The following GABRG1 variants were observed in gnomAD, a reference collection of about 807,000 sequenced individuals.
The protein encoded by GABRG1 is gamma-aminobutyric acid receptor subunit gamma-1.
Under a neutral mutation model 49.8 loss-of-function variants are expected in GABRG1, and 49 were observed. The observed-to-expected ratio is 0.98, with a 90% CI of 0.78 to 1.25. GABRG1 has a LOEUF of 1.25. GABRG1 is among the 50% of genes most tolerant of loss of function. The probability of loss-of-function intolerance (pLI) is 0.00; values close to 1 mark genes in which losing one functional copy is unlikely to be tolerated. For synonymous variants in GABRG1, 232 were observed against 185.1 expected (o/e 1.25, Z -2.06); for missense variants, 552 against 552.3 (o/e 1.00, Z 0.01).
chr4:46,065,922 C>T (rs1718902255), intron 3 of GABRG1, among the ~76,000 whole-genome samples: 1 of 152,048 alleles, frequency 6.6e-6, no homozygotes, highest in African/African-American at 2.4e-5. Context: ...GGGGGTTTCA[C>T]CGTGTTAGCC....
intron 5 of GABRG1, among the ~76,000 whole-genome samples, chr4:46,060,191 A>G (rs1718620023): frequency 6.6e-6 from 1 of 151,968 alleles, no homozygotes; most frequent in Non-Finnish European, 1.5e-5. Context: ...GATTCTCTCA[A>G]GAAGAATCAT....
chr4:46,118,957 A>G (rs574529472), intron 1 of GABRG1, among the ~76,000 whole-genome samples: 1 of 151,506 alleles, frequency 6.6e-6, no homozygotes, highest in South Asian at 2.1e-4. Context: ...AATTTCTACT[A>G]CTTGGTTATG....
chr4:46,108,413 G>A (rs1720623014), intron 1 of GABRG1, among the ~76,000 whole-genome samples: 1 of 150,854 alleles, frequency 6.6e-6, no homozygotes, highest in South Asian at 2.1e-4. Context: ...TTGCTTAATA[G>A]AGTCCACTCA....
intron 4 of GABRG1, 95 bp downstream of exon 4, chr4:46,065,269 G>T: frequency 1.2e-6 from 1 of 836,320 alleles, no homozygotes; most frequent in Non-Finnish European, 1.8e-6. Context: ...CACATTTTTG[G>T]TTTTGCAACT....
chr4:46,085,166 G>T (rs1446521539), intron 2 of GABRG1, among the ~76,000 whole-genome samples: 1 of 151,160 alleles, frequency 6.6e-6, no homozygotes, highest in East Asian at 1.9e-4. Context: ...GCTGAACGTT[G>T]TCTACATTGA....
intron 3 of GABRG1, among the ~76,000 whole-genome samples, chr4:46,082,702 A>G (rs1443051300): frequency 6.6e-6 from 1 of 151,534 alleles, no homozygotes; most frequent in Non-Finnish European, 1.5e-5. Context: ...TTTGTAACTC[A>G]TTATCATTCC....
intron 1 of GABRG1, among the ~76,000 whole-genome samples, chr4:46,114,576 ATG>A (rs1216376436): frequency 2.6e-5 from 4 of 150,998 alleles, no homozygotes; most frequent in Non-Finnish European, 5.9e-5. Context: ...AAGGTATGTA[ATG>A]TGATACCTCC....
chr4:46,084,166 A>G lies in GABRG1; in HGVS notation c.254-113T>C, dbSNP rs1719669851. On this transcript the variant is annotated intron_variant, in intron 2 of 8. Transcript: ENST00000295452. ...ACTTATATATTAACACTTCAATCAT[A>G]AAACATCTTTTATTATGAAATGCAG... is the stretch of plus-strand genomic sequence containing the variant. 4 of 619,846 alleles carry G rather than the reference A, an allele frequency of 6.5e-6. No homozygotes were observed. In the South Asian group the frequency reaches 8.2e-5, roughly 13 times the overall value. 38.4% of individuals were successfully genotyped at this position (619,846 alleles called of 1,614,324 possible).
chr4:46,110,268 C>T (rs991561550), intron 1 of GABRG1, among the ~76,000 whole-genome samples: 1 of 150,918 alleles, frequency 6.6e-6, no homozygotes, highest in Non-Finnish European at 1.5e-5. Flanking sequence ...TTATGCAATG[C>T]CCTCCTTTGT....
At chr4:46,051,390 G>T (rs1334523012) in intron 8 of GABRG1, 34 bp downstream of exon 8, 4 of 1,473,118 alleles carry the variant, frequency 2.7e-6, no homozygotes, top group Non-Finnish European at 2.8e-6. Context: ...GTAAGTTGAG[G>T]TTTATAAAAT....
At chr4:46,056,058 A>G (rs1464157810) in intron 7 of GABRG1, among the ~76,000 whole-genome samples, 1 of 39,184 alleles carries the variant, frequency 2.6e-5, no homozygotes, top group Non-Finnish European at 5.1e-5. Context: ...TACATATGTA[A>G]CTAACCTGCA....
chr4:46,105,180 T>C (rs951247136), intron 1 of GABRG1, among the ~76,000 whole-genome samples: 47 of 151,330 alleles, frequency 3.1e-4, no homozygotes, highest in African/African-American at 1.1e-3. Flanking sequence ...AGAATGATAC[T>C]TGCTAATTAA....
chr4:46,105,051 C>G (rs1469498237), intron 1 of GABRG1, among the ~76,000 whole-genome samples: 1 of 151,344 alleles, frequency 6.6e-6, no homozygotes, highest in African/African-American at 2.4e-5. Context: ...GCTATCCTTC[C>G]TTTTTCAGAA....
chr4:46,113,507 C>CG (rs933749688), intron 1 of GABRG1, among the ~76,000 whole-genome samples: 11 of 150,774 alleles, frequency 7.3e-5, no homozygotes, highest in African/African-American at 1.9e-4. Context: ...TGAGATTTGG[C>CG]GGGGGGGACA....
chr4:46,054,655 TTGTTGGTGTATA>T (rs1260907950), intron 7 of GABRG1, among the ~76,000 whole-genome samples: 5 of 4,550 alleles, frequency 1.1e-3, no homozygotes, highest in Admixed American at 4.3e-3. Context: ...TGTTTGTCTG[TTGTTGGTGTATA>T]AGAATGCTTG....
intron 8 of GABRG1, among the ~76,000 whole-genome samples, chr4:46,048,395 GAA>G (rs1718082424): frequency 2.7e-5 from 4 of 150,418 alleles, no homozygotes; most frequent in African/African-American, 9.8e-5. Context: ...AGGAAGGAAG[GAA>G]GGAAGGAAGG....
Position 46,094,594 on chromosome 4 carries a change from A to G in GABRG1, c.253+2607T>C, listed in dbSNP as rs542482959. 3.3e-5 allele frequency among the ~76,000 whole-genome samples: 5 copies of G among 152,184 alleles called. No individual in the cohort carries two copies. In the South Asian group the frequency reaches 1.0e-3, roughly 32 times the overall value. ...AAATAGGTTGTTTCTGGGCCAAGAA[A>G]AATGTCAAAAACAAAAACAGAAGTG... is the stretch of plus-strand genomic sequence containing the variant. On this transcript the variant is annotated intron_variant, in intron 2 of 8. Transcript: ENST00000295452.
intron 2 of GABRG1, among the ~76,000 whole-genome samples, chr4:46,088,805 T>TGTG (rs1553882201): frequency 4.9e-5 from 7 of 142,534 alleles, no homozygotes; most frequent in African/African-American, 1.6e-4. Context: ...GTGTGTGTGT[T>TGTG]TGTGTGTGTT....
chr4:46,098,559 T>G (rs1720267825), intron 1 of GABRG1, among the ~76,000 whole-genome samples: 1 of 151,740 alleles, frequency 6.6e-6, no homozygotes, highest in Non-Finnish European at 1.5e-5. Context: ...ACTCCTTTTA[T>G]CCGTAAACTC....
Sources: gnomAD v4.1 joint callset for allele counts (sites outside exome capture counted in the v4.1 genomes callset) on GRCh38, gnomAD v4.1.1 for gene constraint, MANE v1.5 for transcripts, NCBI Gene and HGNC (gene_info 2026-07-23, HGNC 2026-07-21) for gene names.